The following ADGRL2 variants were observed in gnomAD, a reference collection of about 807,000 sequenced individuals.
ADGRL2 encodes the protein adhesion G protein-coupled receptor L2, also known as calcium-independent alpha-latrotoxin receptor 2.
Under a neutral mutation model 157.4 loss-of-function variants are expected in ADGRL2, and 44 were observed. The observed-to-expected ratio is 0.28, with a 90% CI of 0.22 to 0.36. ADGRL2 has a LOEUF of 0.36. Ranked by LOEUF, ADGRL2 falls within the 10% of genes least tolerant of loss-of-function variation. ADGRL2 has a pLI of 1.00. For synonymous variants in ADGRL2, 585 were observed against 624.7 expected (o/e 0.94, Z 0.95); for missense variants, 1,510 against 1,768.9 (o/e 0.85, Z 2.63).
At chr1:81,878,763 A>G (rs2151163913) in intron 2 of ADGRL2, among the ~76,000 whole-genome samples, 1 of 152,326 alleles carries the variant, frequency 6.6e-6, no homozygotes, top group South Asian at 2.1e-4. Flanking sequence ...GCTAGAGTAA[A>G]TGGTGTCATG....
intron 1 of ADGRL2, among the ~76,000 whole-genome samples, chr1:81,397,955 C>A (rs1282783530): frequency 1.3e-5 from 2 of 152,126 alleles, no homozygotes; most frequent in African/African-American, 4.8e-5. Flanking sequence ...TCTGTCTCTC[C>A]CTTTAAGCTA....
chr1:81,645,962 G>T (rs1332897925), intron 3 of ADGRL2, among the ~76,000 whole-genome samples: 7 of 152,246 alleles, frequency 4.6e-5, no homozygotes, highest in Admixed American at 3.3e-4. Context: ...AAGCTTGAGA[G>T]ATTTCCACAC....
chr1:81,561,044 T>C (rs1456822502), intron 2 of ADGRL2, among the ~76,000 whole-genome samples: 1 of 152,098 alleles, frequency 6.6e-6, no homozygotes, highest in East Asian at 1.9e-4. Context: ...TCTTTTGAGT[T>C]TTTGCTCAAA....
chr1:81,967,815 A>G (rs577950826), intron 13 of ADGRL2, among the ~76,000 whole-genome samples: 1 of 152,352 alleles, frequency 6.6e-6, no homozygotes, highest in African/African-American at 2.4e-5. Context: ...TTGGTAATTT[A>G]AAGTACACTT....
chr1:81,924,857 G>T (rs2095068495), intron 3 of ADGRL2, among the ~76,000 whole-genome samples: 1 of 152,022 alleles, frequency 6.6e-6, no homozygotes, highest in Non-Finnish European at 1.5e-5. Context: ...CAAAGAGATT[G>T]TGTTGCCAGA....
At chr1:81,504,025 AC>A (rs939483062) in intron 2 of ADGRL2, among the ~76,000 whole-genome samples, 2 of 152,028 alleles carry the variant, frequency 1.3e-5, no homozygotes, top group African/African-American at 4.8e-5. Flanking sequence ...TCCCTCAAAC[AC>A]AAGTCTTGAA....
chr1:81,863,615 A>T (rs756085607), intron 2 of ADGRL2, among the ~76,000 whole-genome samples: 4 of 152,154 alleles, frequency 2.6e-5, no homozygotes, highest in Non-Finnish European at 5.9e-5. Context: ...AAACCTTAGG[A>T]TCTTGCTGCT....
At chr1:81,948,975 C>T (rs1408354962) in intron 6 of ADGRL2, among the ~76,000 whole-genome samples, 7 of 152,096 alleles carry the variant, frequency 4.6e-5, no homozygotes, top group Non-Finnish European at 1.0e-4. Context: ...ATTGATGGAC[C>T]AGAGAGCTTA....
chr1:81,730,867 C>T (rs57520091), intron 1 of ADGRL2, among the ~76,000 whole-genome samples: 2,935 of 152,270 alleles, frequency 0.019, 42 homozygotes, highest in South Asian at 0.052. Context: ...CTTTACTTAA[C>T]ATTATTGATC....
In ADGRL2 at chr1:81,991,103, A is replaced by C; in HGVS notation, c.4368A>C (p.Gly1456=). 6.2e-7 allele frequency: 1 copy of C among 1,610,486 alleles called. No homozygotes were observed. The highest frequency in any genetic ancestry group is 8.5e-7 in the Non-Finnish European group (1 of 1,177,702). Residue 1456 remains glycine (G), a synonymous_variant, in exon 24 of 24, where the codon GGA becomes GGC. Coordinates refer to ENST00000686636, the MANE Select transcript of ADGRL2 (RefSeq NM_001366006.2). ...ACAAAGAAGGGTGTATTCCAGAAGG[A>C]GATGTTAGAGAAGGACAAATGCAGC... ...PINKEGCIPE[G]DVREGQMQLV...
chr1:81,939,230 T>C lies in ADGRL2; in HGVS notation c.397+2393T>C, dbSNP rs144022648. 8.1e-3 allele frequency among the ~76,000 whole-genome samples: 1,224 copies of C among 151,752 alleles called. 13 individuals are homozygous for C. Among genetic ancestry groups the C allele is most frequent in the Non-Finnish European group, 0.011 (773 of 67,634 alleles). ...TTTATAAACAGGCGCATGCATTATA[T>C]GTGATGCTTGTACTTTCCCAGTTAA... On this transcript the variant is annotated intron_variant, in intron 4 of 23. Transcript: ENST00000686636.
At chr1:81,669,728 G>T (rs1179870420) in intron 3 of ADGRL2, among the ~76,000 whole-genome samples, 1 of 152,034 alleles carries the variant, frequency 6.6e-6, no homozygotes, top group African/African-American at 2.4e-5. Flanking sequence ...GGATCATGAG[G>T]TCAGGAGATC....
chr1:81,557,066 G>A, intron 2 of ADGRL2: 1 of 182,640 alleles, frequency 5.5e-6, no homozygotes, highest in Middle Eastern at 9.0e-4. Context: ...GAGATGTGTG[G>A]CAAACTTCAC....
chr1:81,862,709 G>A (rs568417879), intron 2 of ADGRL2, among the ~76,000 whole-genome samples: 1 of 151,992 alleles, frequency 6.6e-6, no homozygotes, highest in Non-Finnish European at 1.5e-5. Flanking sequence ...TAGTTTTTTT[G>A]TAGTACTTTT....
intron 1 of ADGRL2, among the ~76,000 whole-genome samples, chr1:81,712,645 C>G (rs1012163771): frequency 6.6e-6 from 1 of 151,930 alleles, no homozygotes; most frequent in African/African-American, 2.4e-5. Context: ...TGTTCTTTCT[C>G]CAACTGGGAT....
chr1:81,987,350 T>C (rs1365059958), intron 22 of ADGRL2: 1 of 1,475,558 alleles, frequency 6.8e-7, no homozygotes, highest in East Asian at 2.3e-5. Context: ...AGGTATCCTA[T>C]CTATATAATA....
chr1:81,586,545 A>G (rs1161567138), intron 3 of ADGRL2, among the ~76,000 whole-genome samples: 1 of 152,136 alleles, frequency 6.6e-6, no homozygotes, highest in South Asian at 2.1e-4. Flanking sequence ...CTGGGTTTGA[A>G]AAAATATGTT....
intron 2 of ADGRL2, among the ~76,000 whole-genome samples, chr1:81,847,807 C>T (rs866679776): frequency 1.2e-4 from 18 of 151,960 alleles, no homozygotes; most frequent in African/African-American, 4.3e-4. Context: ...TAAAGTAACA[C>T]TATAAAGTCA....
chr1:81,516,910 G>A (rs545850910), intron 2 of ADGRL2, among the ~76,000 whole-genome samples: 1 of 152,160 alleles, frequency 6.6e-6, no homozygotes, highest in African/African-American at 2.4e-5. Flanking sequence ...TGCCATCTCG[G>A]TGGCGCAGAC....
Sources: gnomAD v4.1 joint callset for allele counts (sites outside exome capture counted in the v4.1 genomes callset) on GRCh38, gnomAD v4.1.1 for gene constraint, MANE v1.5 for transcripts, NCBI Gene and HGNC (gene_info 2026-07-23, HGNC 2026-07-21) for gene names.